SULT1E1: variants seen among roughly 807,000 people sequenced by gnomAD.
SULT1E1 encodes sulfotransferase family 1E member 1.
A neutral mutation model predicts 33.6 loss-of-function variants in SULT1E1; 36 were observed. The ratio of observed to expected loss-of-function variants is 1.07; its 90% CI spans 0.82 to 1.41. The LOEUF is 1.41. Among genes scored for constraint, SULT1E1 ranks in the 40% most tolerant of loss-of-function variants. SULT1E1 has a pLI of 0.00. For missense variants in SULT1E1, 371 were observed against 345.7 expected, an observed-to-expected ratio of 1.07 and a Z score of -0.58; for synonymous variants, 121 against 111.7, an observed-to-expected ratio of 1.08 and a Z score of -0.53.
At chr4:69,832,092 G>C in the SULT1E1 span, among the ~76,000 whole-genome samples, 1 of 152,214 alleles carries the variant, frequency 6.6e-6, no homozygotes, top group Non-Finnish European at 1.5e-5. Context: ...AGGTGATCAA[G>C]CTCCTCTTCT....
chr4:69,823,005 T>C, the SULT1E1 span, among the ~76,000 whole-genome samples: 3 of 152,128 alleles, frequency 2.0e-5, no homozygotes, highest in Non-Finnish European at 2.9e-5. Flanking sequence ...TATGATGTGG[T>C]ATGAGGAAAT....
downstream of SULT1E1, among the ~76,000 whole-genome samples, chr4:69,837,124 G>A (rs975326954): frequency 1.3e-5 from 2 of 151,946 alleles, no homozygotes; most frequent in South Asian, 2.1e-4. Context: ...TTAGATAGAT[G>A]CAGAAATTAC....
At chr4:69,856,935 C>CAAAAAAAAAAAA (rs11464421) in intron 2 of SULT1E1, among the ~76,000 whole-genome samples, 2 of 59,228 alleles carry the variant, frequency 3.4e-5, no homozygotes, top group Non-Finnish European at 5.5e-5. Flanking sequence ...GACTCCGTCT[C>CAAAAAAAAAAAA]AAAAAAAAAA....
chr4:69,859,071 C>T (rs998391149), intron 1 of SULT1E1, among the ~76,000 whole-genome samples: 1 of 151,980 alleles, frequency 6.6e-6, no homozygotes, highest in Non-Finnish European at 1.5e-5. Flanking sequence ...GGATTTACTT[C>T]CTATGTGATC....
chr4:69,850,744 T>G (rs1221618954), intron 4 of SULT1E1, among the ~76,000 whole-genome samples: 2 of 152,094 alleles, frequency 1.3e-5, no homozygotes, highest in Non-Finnish European at 2.9e-5. Context: ...TTTCTGTTTC[T>G]CAAAATGCTA....
chr4:69,821,952 G>A, the SULT1E1 span, among the ~76,000 whole-genome samples: 1 of 152,158 alleles, frequency 6.6e-6, no homozygotes, highest in South Asian at 2.1e-4. Context: ...CTATATAGTT[G>A]TAATAGTTAG....
At chr4:69,849,609 A>G in intron 4 of SULT1E1, 46 bp from the exon 5 acceptor site, 1 of 1,514,920 alleles carries the variant, frequency 6.6e-7, no homozygotes, top group Non-Finnish European at 8.9e-7. Context: ...ATTTTTTTCA[A>G]ACAGTCTCAT....
the SULT1E1 span, among the ~76,000 whole-genome samples, chr4:69,835,117 T>C: frequency 1.3e-5 from 2 of 152,214 alleles, no homozygotes; most frequent in Non-Finnish European, 2.9e-5. Context: ...TACCTAGTCC[T>C]TCACACATAT....
At chr4:69,856,779 C>CA (rs1560558307) in intron 2 of SULT1E1, among the ~76,000 whole-genome samples, 1 of 151,246 alleles carries the variant, frequency 6.6e-6, no homozygotes, top group African/African-American at 2.4e-5. Flanking sequence ...CTAAAAAATA[C>CA]AAAAAAATTA....
In SULT1E1 at chr4:69,850,266, T is replaced by C. The variant is rs574750352; in HGVS notation, c.370-703A>G. ...TAAACAAATGATTTGTGTTAGATCA[T>C]CTGTGGCCTACTCTAGGTCTGATAC... On this transcript the variant is annotated intron_variant, in intron 4 of 7. Transcript: ENST00000226444. Among the ~76,000 whole-genome samples, 8 of 152,206 alleles carry C rather than the reference T, an allele frequency of 5.3e-5. No homozygotes were observed. In the East Asian group the frequency reaches 9.6e-4, roughly 18 times the overall value.
chr4:69,827,372 G>C, the SULT1E1 span, among the ~76,000 whole-genome samples: 2 of 152,102 alleles, frequency 1.3e-5, no homozygotes, highest in Non-Finnish European at 2.9e-5. Flanking sequence ...TCCCCACTGG[G>C]ACCTCGACTC....
At chr4:69,851,022 T>C (rs1238680663) in intron 4 of SULT1E1, among the ~76,000 whole-genome samples, 2 of 152,150 alleles carry the variant, frequency 1.3e-5, no homozygotes, top group Non-Finnish European at 2.9e-5. Context: ...GTGATTGTAA[T>C]CTGTCTTAAA....
Position 69,849,381 on chromosome 4 carries a change from G to A in SULT1E1, c.496+56C>T, listed in dbSNP as rs1721050928. 4.4e-6 allele frequency: 7 copies of A among 1,575,290 alleles called. No homozygotes were observed. The African/African-American group carries it at 6.9e-5, about 15-fold the overall frequency. ...CAGTTAAAAACTTTTACTTGGAGAT[G>A]GCATTTGTCTTATAAAACCTTGAAA... On this transcript the variant is annotated intron_variant, in intron 5 of 7. Transcript: ENST00000226444.
chr4:69,858,901 T>C (rs1328639250), intron 1 of SULT1E1, among the ~76,000 whole-genome samples: 1 of 152,176 alleles, frequency 6.6e-6, no homozygotes, highest in Non-Finnish European at 1.5e-5. Context: ...AATTGGCTTA[T>C]AGTCAGCTGG....
Position 69,847,713 on chromosome 4 carries a change from G to T in SULT1E1, c.576C>A (p.Tyr192Ter). The T allele has an allele frequency of 6.2e-7, 1 of 1,600,310 alleles. No individual in the cohort carries two copies. The highest frequency in any genetic ancestry group is 8.5e-7 in the Non-Finnish European group (1 of 1,172,504). ...AGTTCCTCACCTCTTTCAGGTCTTC[G>T]TAGAAAAGAAATAGTACACGTGGAC... ...GKSPRVLFLF[Y>*]EDLKEDIRKE... Residue 192 changes from tyrosine to a stop codon, truncating the protein, a stop_gained, in exon 6 of 8, where the codon TAC (tyrosine) becomes TAA (stop). Coordinates refer to ENST00000226444, the MANE Select transcript of SULT1E1 (RefSeq NM_005420.3). LOFTEE classifies it high-confidence loss of function.
rs770155636 is a variant in SULT1E1 at position 69,855,384 on chromosome 4, T to A, written c.188A>T (p.Glu63Val). Residue 63 changes from glutamate to valine, a missense_variant, in exon 3 of 8, where the codon GAG becomes GTG. Glu to Val is a moderately radical substitution (Grantham distance 121, BLOSUM62 -2). Transcript: ENST00000226444. ...TTCTTTGCACTTTTCCACATCACCC[T>A]CTTTATAGATCATATACACAATTTC... is the stretch of plus-strand genomic sequence containing the variant. ...VSEIVYMIYK[E>V]GDVEKCKEDV... 1 of 1,613,054 alleles carries A rather than the reference T, an allele frequency of 6.2e-7. No individual in the cohort carries two copies. Among genetic ancestry groups the A allele is most frequent in the South Asian group, 1.1e-5 (1 of 91,028 alleles).
the SULT1E1 span, among the ~76,000 whole-genome samples, chr4:69,824,204 CT>C: frequency 1.3e-5 from 2 of 152,172 alleles, no homozygotes; most frequent in African/African-American, 4.8e-5. Context: ...CATTAGCTTC[CT>C]GTGCCAGCAG....
At chr4:69,858,556 T>G (rs1390287363) in intron 1 of SULT1E1, among the ~76,000 whole-genome samples, 1 of 152,102 alleles carries the variant, frequency 6.6e-6, no homozygotes, top group East Asian at 1.9e-4. Flanking sequence ...CATTAGCCTT[T>G]CTAGATCTTC....
At position 69,855,426 on chromosome 4, in the gene SULT1E1, C is replaced by A. The variant is rs1460190031; in HGVS notation, c.146G>T (p.Gly49Val). 6.2e-7 allele frequency: 1 copy of A among 1,606,108 alleles called. No homozygotes were observed. Among genetic ancestry groups the A allele is most frequent in the Non-Finnish European group, 8.5e-7 (1 of 1,176,500 alleles). ...CACAATTTCACTAACCCAGGTTGTA[C>A]CTGTAAAAATTAAATAAACCTGAGT... is the stretch of plus-strand genomic sequence containing the variant. ...DLVIATYPKS[G>V]TTWVSEIVYM... The change falls in exon 3 of 8, where the codon GGT becomes GTT. Residue 49 changes from glycine (G) to valine (V), a missense_variant and splice_region_variant. Gly to Val is a moderately radical substitution (Grantham distance 109, BLOSUM62 -3). Coordinates refer to ENST00000226444, the MANE Select transcript of SULT1E1 (RefSeq NM_005420.3).
Sources: gnomAD v4.1 joint callset for allele counts (sites outside exome capture counted in the v4.1 genomes callset) on GRCh38, gnomAD v4.1.1 for gene constraint, MANE v1.5 for transcripts, NCBI Gene and HGNC (gene_info 2026-07-23, HGNC 2026-07-21) for gene names.